The following CNTLN variants were observed in gnomAD, a reference collection of about 807,000 sequenced individuals.
CNTLN encodes centlein, also known as centlein, centrosomal protein.
A neutral mutation model predicts 180.0 loss-of-function variants in CNTLN; 212 were observed. The observed-to-expected ratio is 1.18, with a 90% CI of 1.05 to 1.32. CNTLN has a LOEUF of 1.32. Ranked by LOEUF, CNTLN falls within the 40% of genes most tolerant of loss-of-function variation. CNTLN has a pLI of 0.00. For missense variants in CNTLN, 2,095 were observed against 1,610.9 expected (o/e 1.30, Z -5.14); for synonymous variants, 722 against 563.1 (o/e 1.28, Z -3.99).
At chr9:17,378,474 C>T (rs191824962) in intron 13 of CNTLN, among the ~76,000 whole-genome samples, 182 of 152,134 alleles carry the variant, frequency 1.2e-3, no homozygotes, top group African/African-American at 4.0e-3. Context: ...CCACCGCACC[C>T]GGCCTTCTTT....
At chr9:17,367,269 T>G (rs1173513231) in intron 13 of CNTLN, among the ~76,000 whole-genome samples, 1 of 152,172 alleles carries the variant, frequency 6.6e-6, no homozygotes, top group East Asian at 1.9e-4. Flanking sequence ...CCGGGCCAAA[T>G]GCATCTCATG....
the CNTLN span, among the ~76,000 whole-genome samples, chr9:17,524,021 G>GT: frequency 0.028 from 4,276 of 152,240 alleles, 79 homozygotes; most frequent in Non-Finnish European, 0.043. Flanking sequence ...TGTGTGAAAT[G>GT]TTTTCTAAAA....
intron 18 of CNTLN, among the ~76,000 whole-genome samples, chr9:17,440,181 C>G (rs1830020640): frequency 6.6e-6 from 1 of 151,962 alleles, no homozygotes; most frequent in African/African-American, 2.4e-5. Context: ...TGTAAAATGG[C>G]ACAGGCATTT....
chr9:17,425,460 C>G (rs1186780795), intron 18 of CNTLN, among the ~76,000 whole-genome samples: 3 of 152,220 alleles, frequency 2.0e-5, no homozygotes, highest in Non-Finnish European at 4.4e-5. Context: ...GGCTAGCCCT[C>G]TAGAACTGTG....
At chr9:17,192,239 CTT>C (rs202082553) in intron 2 of CNTLN, among the ~76,000 whole-genome samples, 16 of 134,460 alleles carry the variant, frequency 1.2e-4, no homozygotes, top group Admixed American at 3.8e-4. Flanking sequence ...AGGCCCTATT[CTT>C]TTTTTTTTTT....
intron 5 of CNTLN, among the ~76,000 whole-genome samples, chr9:17,266,764 G>T (rs1827488516): frequency 6.6e-6 from 1 of 152,140 alleles, no homozygotes; most frequent in Admixed American, 6.5e-5. Flanking sequence ...AGCTCTTGTT[G>T]TTGAATTGAT....
intron 8 of CNTLN, among the ~76,000 whole-genome samples, chr9:17,312,182 G>T (rs12164282): frequency 0.076 from 11,511 of 151,278 alleles, 479 homozygotes; most frequent in South Asian, 0.13. Flanking sequence ...CATTCGTTTA[G>T]AAATGTTTCT....
At chr9:17,156,544 G>A (rs1214356741) in intron 2 of CNTLN, among the ~76,000 whole-genome samples, 2 of 151,526 alleles carry the variant, frequency 1.3e-5, no homozygotes, top group Non-Finnish European at 2.9e-5. Context: ...GAATAAATTG[G>A]GTTATTTATT....
intron 3 of CNTLN, among the ~76,000 whole-genome samples, chr9:17,235,193 C>G (rs1293702941): frequency 6.6e-6 from 1 of 152,082 alleles, no homozygotes; most frequent in Non-Finnish European, 1.5e-5. Flanking sequence ...GTCTACAGAG[C>G]AAGATATTAT....
rs571027550 is a variant in CNTLN at position 17,356,103 on chromosome 9, A to T, written c.1887-10514A>T. On this transcript the variant is annotated intron_variant, in intron 12 of 25. Transcript: ENST00000380647. ...AAAAGAAAAAGGAAATCAGTCCAAC[A>T]GGAAAAAGCATTGCATATCATAAGT... is the stretch of plus-strand genomic sequence containing the variant. Among the ~76,000 whole-genome samples, 41 of 152,112 alleles carry T rather than the reference A, an allele frequency of 2.7e-4. 1 individual carries two copies. The highest frequency in any genetic ancestry group is 9.6e-4 in the African/African-American group (40 of 41,506).
At chr9:17,251,550 TG>T (rs1771968041) in intron 5 of CNTLN, among the ~76,000 whole-genome samples, 1 of 151,968 alleles carries the variant, frequency 6.6e-6, no homozygotes, top group Non-Finnish European at 1.5e-5. Context: ...TTATTTCAGT[TG>T]TATTTTTCAG....
chr9:17,199,461 T>A (rs1384014108), intron 2 of CNTLN, among the ~76,000 whole-genome samples: 2 of 152,162 alleles, frequency 1.3e-5, no homozygotes, highest in Non-Finnish European at 2.9e-5. Context: ...TCCACCCTCC[T>A]TGGCCTCCCA....
intron 18 of CNTLN, among the ~76,000 whole-genome samples, chr9:17,456,994 A>G (rs1831162982): frequency 6.6e-6 from 1 of 152,194 alleles, no homozygotes; most frequent in Admixed American, 6.6e-5. Flanking sequence ...CATAAAACTG[A>G]GCGAGTTTGT....
In CNTLN at chr9:17,270,787, C is replaced by T. The variant is rs150528620; in HGVS notation, c.850-2946C>T. Among the ~76,000 whole-genome samples the T allele has an allele frequency of 9.4e-3, 1,421 of 151,770 alleles. 13 individuals carry two copies. The highest frequency in any genetic ancestry group is 0.052 in the South Asian group (249 of 4,796). ...TGATATTTGTAACATTTTAAATTATCCTTTTGAAATTTTCTATTTTTTCTT... is the reference window on the plus strand; with the variant it reads ...TGATATTTGTAACATTTTAAATTATTCTTTTGAAATTTTCTATTTTTTCTT... On this transcript the variant is annotated intron_variant, in intron 5 of 25. Transcript: ENST00000380647.
intron 3 of CNTLN, among the ~76,000 whole-genome samples, chr9:17,234,691 G>A (rs1825027288): frequency 6.6e-6 from 1 of 152,016 alleles, no homozygotes; most frequent in Non-Finnish European, 1.5e-5. Context: ...AAAAAAAGGT[G>A]TTTCTATCTT....
chr9:17,249,634 C>G (rs1826020125), intron 5 of CNTLN, among the ~76,000 whole-genome samples: 1 of 152,020 alleles, frequency 6.6e-6, no homozygotes, highest in Non-Finnish European at 1.5e-5. Flanking sequence ...CAGGCACGAG[C>G]TGCTGCATCC....
intron 10 of CNTLN, among the ~76,000 whole-genome samples, chr9:17,336,812 C>T (rs1038291159): frequency 1.1e-4 from 16 of 152,244 alleles, no homozygotes; most frequent in African/African-American, 3.9e-4. Flanking sequence ...ACCCATCAAC[C>T]TGTCACCTAC....
chr9:17,216,418 A>G (rs1188734459), intron 2 of CNTLN, among the ~76,000 whole-genome samples: 2 of 152,156 alleles, frequency 1.3e-5, no homozygotes, highest in Admixed American at 6.5e-5. Flanking sequence ...TGAAAACTCA[A>G]TTCTGGAAAA....
chr9:17,228,919 C>T (rs1587253047), intron 3 of CNTLN, among the ~76,000 whole-genome samples: 1 of 151,952 alleles, frequency 6.6e-6, no homozygotes, highest in South Asian at 2.1e-4. Context: ...GTTTTGAGCT[C>T]CTCTTAGAAA....
Sources: gnomAD v4.1 joint callset for allele counts (sites outside exome capture counted in the v4.1 genomes callset) on GRCh38, gnomAD v4.1.1 for gene constraint, MANE v1.5 for transcripts, NCBI Gene and HGNC (gene_info 2026-07-23, HGNC 2026-07-21) for gene names.